The following PTPRD variants were observed in gnomAD, a reference collection of about 807,000 sequenced individuals.
PTPRD encodes the protein receptor-type tyrosine-protein phosphatase delta.
Under a neutral mutation model 214.5 loss-of-function variants are expected in PTPRD, and 34 were observed. The observed-to-expected ratio is 0.16, with a 90% CI of 0.12 to 0.21. PTPRD has a LOEUF of 0.21. Among genes scored for constraint, PTPRD ranks in the 10% least tolerant of loss-of-function variants. The pLI is 1.00. For missense variants in PTPRD, 2,545 were observed against 2,398.7 expected, an observed-to-expected ratio of 1.06 and a Z score of -1.27; for synonymous variants, 1,128 against 845.7, an observed-to-expected ratio of 1.33 and a Z score of -5.79.
chr9:8,481,219 T>C (rs2096878621), intron 30 of PTPRD, among the ~76,000 whole-genome samples: 1 of 150,158 alleles, frequency 6.7e-6, no homozygotes, highest in Non-Finnish European at 1.5e-5. Flanking sequence ...ATTTTGGGAA[T>C]AATGTTTTAG....
At chr9:8,351,007 G>A (rs904948230) in intron 39 of PTPRD, among the ~76,000 whole-genome samples, 3 of 152,152 alleles carry the variant, frequency 2.0e-5, no homozygotes, top group Admixed American at 6.6e-5. Context: ...TGCACAAAGA[G>A]AGTAGAAAGA....
chr9:8,710,007 C>T (rs1366571083), intron 12 of PTPRD, among the ~76,000 whole-genome samples: 1 of 152,080 alleles, frequency 6.6e-6, no homozygotes, highest in African/African-American at 2.4e-5. Flanking sequence ...TTACTTAACC[C>T]CTCCAAACTA....
intron 12 of PTPRD, among the ~76,000 whole-genome samples, chr9:8,712,337 C>T (rs7867306): frequency 0.026 from 4,026 of 152,106 alleles, 202 homozygotes; most frequent in African/African-American, 0.091. Flanking sequence ...AAATATTTAG[C>T]TTACTGTTTA....
chr9:10,174,491 A>G (rs2099233977), intron 3 of PTPRD, among the ~76,000 whole-genome samples: 1 of 152,162 alleles, frequency 6.6e-6, no homozygotes, highest in South Asian at 2.1e-4. Flanking sequence ...ATTGTGAGCC[A>G]AAGAAACTTT....
intron 32 of PTPRD, among the ~76,000 whole-genome samples, chr9:8,462,091 A>G (rs1229126247): frequency 6.6e-6 from 1 of 151,882 alleles, no homozygotes; most frequent in Non-Finnish European, 1.5e-5. Context: ...ATACTCTATG[A>G]AATCCCAGAT....
intron 2 of PTPRD, among the ~76,000 whole-genome samples, chr9:10,367,423 TG>T (rs2154475064): frequency 6.6e-6 from 1 of 152,228 alleles, no homozygotes; most frequent in African/African-American, 2.4e-5. Flanking sequence ...TTACCTACTG[TG>T]TTACCGTTTG....
chr9:9,262,475 C>T (rs1311228714), intron 9 of PTPRD, among the ~76,000 whole-genome samples: 4 of 151,292 alleles, frequency 2.6e-5, no homozygotes, highest in East Asian at 3.9e-4. Flanking sequence ...AGTCACATTT[C>T]GAATGCTCAA....
At chr9:9,127,460 C>G (rs2099835792) in intron 10 of PTPRD, among the ~76,000 whole-genome samples, 1 of 152,124 alleles carries the variant, frequency 6.6e-6, no homozygotes, top group African/African-American at 2.4e-5. Flanking sequence ...CTATAACTGA[C>G]AAGACTTGCA....
intron 11 of PTPRD, among the ~76,000 whole-genome samples, chr9:8,887,160 T>G (rs2098497881): frequency 2.0e-5 from 3 of 152,190 alleles, no homozygotes; most frequent in Non-Finnish European, 4.4e-5. Flanking sequence ...AAGTGGCTTT[T>G]GAACCCAGGT....
At chr9:9,352,393 A>ATG (rs2051734164) in intron 9 of PTPRD, among the ~76,000 whole-genome samples, 1 of 150,492 alleles carries the variant, frequency 6.6e-6, no homozygotes, top group Non-Finnish European at 1.5e-5. Flanking sequence ...ATGTGTGTAT[A>ATG]TGTATATATA....
intron 4 of PTPRD, among the ~76,000 whole-genome samples, chr9:10,001,579 G>A (rs1169862321): frequency 6.6e-6 from 1 of 152,140 alleles, no homozygotes; most frequent in African/African-American, 2.4e-5. Flanking sequence ...AATCACTGAA[G>A]CCAGAGGCAA....
intron 2 of PTPRD, among the ~76,000 whole-genome samples, chr9:10,588,787 AG>A (rs1158853002): frequency 6.6e-6 from 1 of 151,966 alleles, no homozygotes; most frequent in African/African-American, 2.4e-5. Context: ...TATTAGCAAA[AG>A]TCTCTCTGGC....
chr9:9,042,703 CA>C (rs1569495528), intron 10 of PTPRD, among the ~76,000 whole-genome samples: 2 of 147,542 alleles, frequency 1.4e-5, no homozygotes, highest in African/African-American at 5.1e-5. Flanking sequence ...CCTCTGGTGG[CA>C]GACATAATCC....
intron 2 of PTPRD, among the ~76,000 whole-genome samples, chr9:10,529,842 G>C (rs1212996265): frequency 6.6e-6 from 1 of 151,888 alleles, no homozygotes; most frequent in African/African-American, 2.4e-5. Context: ...CTCATAAGTG[G>C]GAGTTGGACA....
At chr9:9,019,996 C>T (rs1415925589) in intron 10 of PTPRD, among the ~76,000 whole-genome samples, 1 of 152,002 alleles carries the variant, frequency 6.6e-6, no homozygotes, top group Non-Finnish European at 1.5e-5. Flanking sequence ...AAAATAACAA[C>T]TGATCTTGAG....
At chr9:9,582,844 T>C (rs939488369) in intron 7 of PTPRD, among the ~76,000 whole-genome samples, 1 of 152,022 alleles carries the variant, frequency 6.6e-6, no homozygotes, top group African/African-American at 2.4e-5. Flanking sequence ...ACTATAATCT[T>C]TGTCTTCCAT....
At chr9:10,451,180 A>G (rs1483210718) in intron 2 of PTPRD, among the ~76,000 whole-genome samples, 1 of 151,980 alleles carries the variant, frequency 6.6e-6, no homozygotes, top group African/African-American at 2.4e-5. Context: ...AAGTGGCAAA[A>G]TATACACTAA....
intron 9 of PTPRD, among the ~76,000 whole-genome samples, chr9:9,270,101 G>T (rs1942206640): frequency 6.6e-6 from 1 of 150,940 alleles, no homozygotes; most frequent in South Asian, 2.1e-4. Flanking sequence ...ATACAAAAAG[G>T]TAACTAGGTG....
At chr9:9,095,317 T>C (rs1280044066) in intron 10 of PTPRD, among the ~76,000 whole-genome samples, 11 of 152,172 alleles carry the variant, frequency 7.2e-5, no homozygotes, top group Non-Finnish European at 1.5e-5. Flanking sequence ...TAAAATGACC[T>C]TTATTCACAG....
Sources: gnomAD v4.1 joint callset for allele counts (sites outside exome capture counted in the v4.1 genomes callset) on GRCh38, gnomAD v4.1.1 for gene constraint, MANE v1.5 for transcripts, NCBI Gene and HGNC (gene_info 2026-07-23, HGNC 2026-07-21) for gene names.